The following JHY variants were observed in gnomAD, a reference collection of about 807,000 sequenced individuals.
The protein encoded by JHY is junctional cadherin complex regulator, also known as jhy protein homolog.
JHY carries 69 observed loss-of-function variants against 78.0 expected under a neutral mutation model. The ratio of observed to expected loss-of-function variants is 0.88; its 90% CI spans 0.73 to 1.08. The LOEUF is 1.08. Ranked by LOEUF, JHY falls within the 50% of genes least tolerant of loss-of-function variation. The probability of loss-of-function intolerance (pLI) is 0.00; values close to 1 mark genes in which losing one functional copy is unlikely to be tolerated. For missense variants in JHY, 944 were observed against 927.8 expected, an observed-to-expected ratio of 1.02 and a Z score of -0.23; for synonymous variants, 368 against 342.6, an observed-to-expected ratio of 1.07 and a Z score of -0.82.
At position 122,883,320 on chromosome 11, in the gene JHY, G is replaced by T. The variant is rs1013934726; in HGVS notation, c.-90+348G>T. ...CAGGAACAAGCAAAGGTAGAAAACCGAACGCCTCCCCTGGGCAGCTTCCGG... is the reference window on the plus strand; with the variant it reads ...CAGGAACAAGCAAAGGTAGAAAACCTAACGCCTCCCCTGGGCAGCTTCCGG... On this transcript the variant is annotated intron_variant, in intron 1 of 8. Coordinates refer to ENST00000227349, the MANE Select transcript of JHY (RefSeq NM_024806.4). The surrounding 1 kb of genome is among the most constrained non-coding windows in gnomAD (Gnocchi z 4.4). 2.0e-5 allele frequency among the ~76,000 whole-genome samples: 3 copies of T among 152,156 alleles called. No individual in the cohort carries two copies. The highest frequency in any genetic ancestry group is 1.9e-4 in the East Asian group (1 of 5,166).
At chr11:122,928,794 A>G (rs1024745653) in intron 4 of JHY, among the ~76,000 whole-genome samples, 2 of 151,782 alleles carry the variant, frequency 1.3e-5, no homozygotes, top group Non-Finnish European at 2.9e-5. Flanking sequence ...GACTATAGGC[A>G]CCCGCCACCA....
intron 6 of JHY, among the ~76,000 whole-genome samples, chr11:122,954,995 C>T (rs867695986): frequency 6.6e-6 from 1 of 152,288 alleles, no homozygotes; most frequent in Middle Eastern, 3.4e-3. Flanking sequence ...CATCCAACCA[C>T]CTCTTTTATA....
At chr11:122,907,523 A>G (rs1863020173) in intron 3 of JHY, among the ~76,000 whole-genome samples, 1 of 152,188 alleles carries the variant, frequency 6.6e-6, no homozygotes, top group African/African-American at 2.4e-5. Flanking sequence ...ACCTGGCTAG[A>G]TATCAGAATC....
At chr11:122,956,374 G>A in intron 6 of JHY, 122 bp from the exon 7 acceptor site, 1 of 677,246 alleles carries the variant, frequency 1.5e-6, no homozygotes, top group African/African-American at 1.8e-5. Flanking sequence ...TTCTCTGACA[G>A]TGCACACAGG....
At chr11:122,909,031 G>T (rs1863054431) in intron 3 of JHY, among the ~76,000 whole-genome samples, 1 of 152,106 alleles carries the variant, frequency 6.6e-6, no homozygotes, top group Non-Finnish European at 1.5e-5. Flanking sequence ...CTTATTCACA[G>T]ATTGTTCATT....
intron 6 of JHY, 55 bp downstream of exon 6, chr11:122,946,847 G>C (rs1863976217): frequency 1.3e-6 from 2 of 1,542,082 alleles, no homozygotes; most frequent in Admixed American, 2.0e-5. Flanking sequence ...AATACAGATG[G>C]ACCTTGATGT....
chr11:122,893,190 C>A (rs552348404), intron 2 of JHY, among the ~76,000 whole-genome samples: 2 of 152,182 alleles, frequency 1.3e-5, no homozygotes, highest in Non-Finnish European at 2.9e-5. Context: ...TTTCTGATCA[C>A]ATGAGAATAG....
In JHY at chr11:122,963,216, C is replaced by T. The variant is rs964961944; in HGVS notation, c.*3771C>T. Among the ~76,000 whole-genome samples, 8 of 151,990 alleles carry T rather than the reference C, an allele frequency of 5.3e-5. No individual in the cohort carries two copies. The highest frequency in any genetic ancestry group is 1.3e-4 in the Admixed American group (2 of 15,244). ...CATACTGTTTTTCTGTTAGCTTAAG[C>T]GTTGTTAAATCCTTCACTTTCACAC... On this transcript the variant is annotated 3_prime_UTR_variant, in exon 9 of 9. Transcript: ENST00000227349.
chr11:122,900,770 C>G (rs1862839542), intron 2 of JHY, among the ~76,000 whole-genome samples: 1 of 152,130 alleles, frequency 6.6e-6, no homozygotes, highest in East Asian at 1.9e-4. Flanking sequence ...GAGCCGTGAT[C>G]TGGTCTGATT....
In JHY at chr11:122,894,538, A is replaced by G. The variant is rs183120235; in HGVS notation, c.344+8345A>G. On this transcript the variant is annotated intron_variant, in intron 2 of 8. Transcript: ENST00000227349. ...TGAATGAGAGGAATTATGTTTCTAA[A>G]TACTGTGTCATACAGCATTTCCCTT... Among the ~76,000 whole-genome samples, 312 of 152,358 alleles carry G rather than the reference A, an allele frequency of 2.0e-3. 1 individual carries two copies. Among genetic ancestry groups the G allele is most frequent in the Admixed American group, 7.1e-3 (108 of 15,304 alleles).
intron 4 of JHY, among the ~76,000 whole-genome samples, chr11:122,925,313 T>C (rs1863472999): frequency 1.3e-5 from 2 of 152,152 alleles, no homozygotes; most frequent in Non-Finnish European, 2.9e-5. Flanking sequence ...AAAATCACAG[T>C]TCCAGAGAAT....
chr11:122,902,702 G>A (rs552876964), intron 2 of JHY, among the ~76,000 whole-genome samples: 1 of 152,282 alleles, frequency 6.6e-6, no homozygotes, highest in Non-Finnish European at 1.5e-5. Flanking sequence ...AGGACCAAGA[G>A]AGAGGGTGGG....
At chr11:122,956,068 G>A (rs1476833497) in intron 6 of JHY, among the ~76,000 whole-genome samples, 1 of 152,134 alleles carries the variant, frequency 6.6e-6, no homozygotes, top group East Asian at 1.9e-4. Flanking sequence ...CGACTCAAGA[G>A]GCTGAGGTGG....
In JHY at chr11:122,883,513, T is replaced by C. The variant is rs977763814; in HGVS notation, c.-90+541T>C. On this transcript the variant is annotated intron_variant, in intron 1 of 8. Transcript: ENST00000227349. The surrounding 1 kb of genome is among the most constrained non-coding windows in gnomAD (Gnocchi z 4.4). ...GCCGCTTCTTAGTCCCTAGGTGCCATCGGATCTATCGCTGTCTTGTTTATT... is the reference window on the plus strand; with the variant it reads ...GCCGCTTCTTAGTCCCTAGGTGCCACCGGATCTATCGCTGTCTTGTTTATT... 4.6e-5 allele frequency among the ~76,000 whole-genome samples: 7 copies of C among 152,122 alleles called. No homozygotes were observed. The East Asian group carries it at 1.4e-3, about 29-fold the overall frequency.
Position 122,934,611 on chromosome 11 carries a change from C to A in JHY, c.1170C>A (p.Asn390Lys). 6.2e-7 allele frequency: 1 copy of A among 1,614,066 alleles called. No individual in the cohort carries two copies. Among genetic ancestry groups the A allele is most frequent in the East Asian group, 2.2e-5 (1 of 44,856 alleles). The change falls in exon 5 of 9, where the codon AAC becomes AAA. Residue 390 changes from asparagine to lysine, a missense_variant. Physicochemically the swap from Asn to Lys is moderately conservative, Grantham distance 94. Transcript: ENST00000227349. ...TTEEVTASQG[N>K]QNNPPRQQQN... ...AAGAGGTGACTGCCAGTCAGGGGAA[C>A]CAGAATAACCCTCCCAGGCAGCAAC...
intron 8 of JHY, chr11:122,958,597 C>A (rs1864241228): frequency 2.8e-6 from 1 of 361,776 alleles, no homozygotes; most frequent in Non-Finnish European, 3.8e-6. Context: ...ATTTGTATTT[C>A]AGCTATCAAC....
chr11:122,960,770 C>A lies in JHY; in HGVS notation c.*1325C>A. On this transcript the variant is annotated 3_prime_UTR_variant, in exon 9 of 9. Transcript: ENST00000227349. Reference sequence around the variant, plus strand: ...TGAAGCAGGCTTCCATCAAACAAATCCAGGATGCAATTGATTTGGAGAAGT... The same window carrying A: ...TGAAGCAGGCTTCCATCAAACAAATACAGGATGCAATTGATTTGGAGAAGT... 4.1e-6 allele frequency: 2 copies of A among 490,622 alleles called. No homozygotes were observed. Among genetic ancestry groups the A allele is most frequent in the Non-Finnish European group, 4.0e-6 (1 of 247,388 alleles). 30.4% of individuals were successfully genotyped at this position (490,622 alleles called of 1,614,324 possible).
At position 122,962,714 on chromosome 11, in the gene JHY, A is replaced by G. The variant is rs1864340020; in HGVS notation, c.*3269A>G. Among the ~76,000 whole-genome samples the G allele has an allele frequency of 2.0e-5, 3 of 152,220 alleles. No individual in the cohort carries two copies. The South Asian group carries it at 6.2e-4, about 32-fold the overall frequency. The stretch of plus-strand genomic sequence containing the variant: ...TAAAGGGATAGGGTAAAATTTTTAA[A>G]TATTCCATTTGTATTATCTTAAAAT... On this transcript the variant is annotated 3_prime_UTR_variant, in exon 9 of 9. Coordinates refer to ENST00000227349, the MANE Select transcript of JHY (RefSeq NM_024806.4).
chr11:122,934,357 A>T lies in JHY; in HGVS notation c.979-63A>T, dbSNP rs1450448347. The T allele has an allele frequency of 2.3e-5, 18 of 787,606 alleles. No homozygotes were observed. The East Asian group carries it at 5.3e-4, about 23-fold the overall frequency. The allele number at this position is 787,606 out of a possible 1,614,324, so 48.8% of individuals were successfully genotyped here. A position where few individuals can be genotyped will look rare whatever the true frequency, so the allele number is the denominator to read the frequency against. On this transcript the variant is annotated intron_variant, in intron 4 of 8. Transcript: ENST00000227349. The stretch of plus-strand genomic sequence containing the variant: ...ATAAATAAATAAATAAATAAATAAT[A>T]AAATAAAATTTGTGAAGAGTGCCAG...
Sources: allele counts gnomAD v4.1 joint callset (sites outside exome capture counted in the v4.1 genomes callset), GRCh38; gene constraint gnomAD v4.1.1; non-coding constraint Gnocchi (gnomAD v3.1); transcripts MANE v1.5; gene names NCBI Gene and HGNC (gene_info 2026-07-23, HGNC 2026-07-21).